The following PSME3IP1 variants were observed in gnomAD, a reference collection of about 807,000 sequenced individuals.
PSME3IP1 encodes PSME3-interacting protein.
PSME3IP1 carries 13 observed loss-of-function variants against 34.1 expected under a neutral mutation model. The ratio of observed to expected loss-of-function variants is 0.38; its 90% CI spans 0.25 to 0.61. The LOEUF is 0.61. Among genes scored for constraint, PSME3IP1 ranks in the 20% least tolerant of loss-of-function variants. The pLI is 0.60. For synonymous variants in PSME3IP1, 93 were observed against 114.3 expected, an observed-to-expected ratio of 0.81 and a Z score of 1.19; for missense variants, 237 against 301.4, an observed-to-expected ratio of 0.79 and a Z score of 1.58.
chr16:57,167,245 G>C lies in PSME3IP1; in HGVS notation c.349-19C>G, dbSNP rs753624144. On this transcript the variant is annotated intron_variant, in intron 4 of 6. Transcript: ENST00000309137. ...GGTTATTGTGAGTTACCAGTTAAGG[G>C]TCAAACTAAGCAAAAGGGAAGACAA... 2 of 1,614,104 alleles carry C rather than the reference G, an allele frequency of 1.2e-6. No homozygotes were observed. Among genetic ancestry groups the C allele is most frequent in the East Asian group, 4.5e-5 (2 of 44,880 alleles).
intron 4 of PSME3IP1, among the ~76,000 whole-genome samples, chr16:57,167,743 C>G (rs2072065589): frequency 6.6e-6 from 1 of 152,094 alleles, no homozygotes; most frequent in South Asian, 2.1e-4. Context: ...ATGTCAAGTC[C>G]CTCCCTGCCC....
intron 1 of PSME3IP1, chr16:57,178,601 T>C: frequency 3.0e-6 from 3 of 985,318 alleles, no homozygotes; most frequent in Non-Finnish European, 3.6e-6. Context: ...TAGAGATTGG[T>C]AGCCATCAAG....
At chr16:57,157,364 T>G (rs1358778628) in intron 6 of PSME3IP1, among the ~76,000 whole-genome samples, 1 of 149,358 alleles carries the variant, frequency 6.7e-6, no homozygotes, top group African/African-American at 2.5e-5. Flanking sequence ...AGCATCTCTG[T>G]GTGTACTGTT....
chr16:57,159,254 AAG>A (rs1303174327), intron 6 of PSME3IP1, among the ~76,000 whole-genome samples: 2 of 152,226 alleles, frequency 1.3e-5, no homozygotes, highest in Non-Finnish European at 2.9e-5. Context: ...CAAGAAAGAA[AAG>A]AGATTGCAAA....
At chr16:57,178,318 A>C (rs1471526428) in intron 1 of PSME3IP1, among the ~76,000 whole-genome samples, 2 of 152,082 alleles carry the variant, frequency 1.3e-5, no homozygotes, top group Admixed American at 6.6e-5. Context: ...GCTTTCCAAG[A>C]CCTCCTAGAG....
rs1433530765 is a variant in PSME3IP1, at chr16:57,177,809, G to A, written c.-15-3940C>T. Among the ~76,000 whole-genome samples, 3 of 152,190 alleles carry A rather than the reference G, an allele frequency of 2.0e-5. No homozygotes were observed. In the East Asian group the frequency reaches 5.8e-4, roughly 29 times the overall value. On this transcript the variant is annotated intron_variant, in intron 1 of 6. Transcript: ENST00000309137. The stretch of plus-strand genomic sequence containing the variant: ...GGAGGACCAGCCTGGGCAACAAAGT[G>A]AGACCCCCCATCTCTACAAAAAATT...
At chr16:57,182,407 A>G (rs1377387612) in intron 1 of PSME3IP1, among the ~76,000 whole-genome samples, 1 of 82,910 alleles carries the variant, frequency 1.2e-5, no homozygotes, top group Non-Finnish European at 2.3e-5. Flanking sequence ...CCCACCCTAT[A>G]TAACTCCACT....
At position 57,153,187 on chromosome 16, in the gene PSME3IP1, C is replaced by A. The variant is rs2145319201; in HGVS notation, c.*1103G>T. ...CTCCTCCAGAATCCAAGGGATGAGCCCGTTTCCCTTTATGAGACGAGGTGG... is the reference window on the plus strand; with the variant it reads ...CTCCTCCAGAATCCAAGGGATGAGCACGTTTCCCTTTATGAGACGAGGTGG... On this transcript the variant is annotated 3_prime_UTR_variant, in exon 7 of 7. Coordinates refer to ENST00000309137, the MANE Select transcript of PSME3IP1 (RefSeq NM_024946.4). 1.3e-5 allele frequency: 2 copies of A among 152,554 alleles called. 1 individual carries two copies. The highest frequency in any genetic ancestry group is 6.8e-3 in the Middle Eastern group (2 of 294). The allele number at this position is 152,554 out of a possible 1,614,324, so 9.5% of individuals were successfully genotyped here.
intron 1 of PSME3IP1, chr16:57,174,736 T>C: frequency 6.2e-6 from 6 of 963,918 alleles, no homozygotes; most frequent in Non-Finnish European, 7.4e-6. Flanking sequence ...AAAGTGAGAC[T>C]GGAAGAACAG....
At chr16:57,181,557 G>A (rs2073718092) in intron 1 of PSME3IP1, 1 of 152,160 alleles carries the variant, frequency 6.6e-6, no homozygotes, top group Admixed American at 6.5e-5. Context: ...TACCTACCTG[G>A]ATGGAGACCG....
intron 6 of PSME3IP1, among the ~76,000 whole-genome samples, chr16:57,157,695 C>G (rs1328090651): frequency 2.0e-5 from 3 of 151,874 alleles, no homozygotes; most frequent in Non-Finnish European, 4.4e-5. Flanking sequence ...ATGTTCCCGC[C>G]TCAGCCTCCC....
Position 57,153,675 on chromosome 16 carries a change from G to A in PSME3IP1, c.*615C>T, listed in dbSNP as rs939038195. 2.0e-5 allele frequency: 3 copies of A among 152,282 alleles called. No homozygotes were observed. The highest frequency in any genetic ancestry group is 7.2e-5 in the African/African-American group (3 of 41,418). 9.4% of individuals were successfully genotyped at this position (152,282 alleles called of 1,614,324 possible). On this transcript the variant is annotated 3_prime_UTR_variant, in exon 7 of 7. Transcript: ENST00000309137. ...GTTGGAGAGAGAGGAGAGAGGGAAT[G>A]GCCAAGGGTATGGAAAGCTTTCACA...
intron 6 of PSME3IP1, among the ~76,000 whole-genome samples, chr16:57,163,664 C>A (rs1361607114): frequency 6.6e-6 from 1 of 152,186 alleles, no homozygotes; most frequent in Non-Finnish European, 1.5e-5. Context: ...CAGGTGAAAT[C>A]AAGAAACCTG....
rs1197050244 is a variant in PSME3IP1 at position 57,153,051 on chromosome 16, G to C, written c.*1239C>G. ...AAAAACAATTGATGTAGGAATAAGGGGAATGGATAAAGAATGGTACATGCT... is the reference window on the plus strand; with the variant it reads ...AAAAACAATTGATGTAGGAATAAGGCGAATGGATAAAGAATGGTACATGCT... On this transcript the variant is annotated 3_prime_UTR_variant, in exon 7 of 7. Coordinates refer to ENST00000309137, the MANE Select transcript of PSME3IP1 (RefSeq NM_024946.4). 4 of 152,668 alleles carry C rather than the reference G, an allele frequency of 2.6e-5. No individual in the cohort carries two copies. The allele number at this position is 152,668 out of a possible 1,614,324, so 9.5% of individuals were successfully genotyped here.
At chr16:57,155,814 A>C (rs559130664) in intron 6 of PSME3IP1, among the ~76,000 whole-genome samples, 38 of 152,208 alleles carry the variant, frequency 2.5e-4, no homozygotes, top group African/African-American at 4.8e-4. Context: ...TCAAAAAAAA[A>C]CAAAAAAACT....
At chr16:57,184,423 C>A (rs2073984501) in intron 1 of PSME3IP1, among the ~76,000 whole-genome samples, 1 of 152,140 alleles carries the variant, frequency 6.6e-6, no homozygotes, top group African/African-American at 2.4e-5. Context: ...GAAAACCAAA[C>A]ACAAAACAAT....
intron 6 of PSME3IP1, among the ~76,000 whole-genome samples, chr16:57,160,642 TA>T (rs2071120883): frequency 6.6e-6 from 1 of 152,140 alleles, no homozygotes; most frequent in South Asian, 2.1e-4. Flanking sequence ...GTTCATCAAT[TA>T]AAAAGTAGGA....
intron 6 of PSME3IP1, among the ~76,000 whole-genome samples, chr16:57,157,227 C>A (rs1192107844): frequency 6.7e-6 from 1 of 150,252 alleles, no homozygotes; most frequent in Non-Finnish European, 1.5e-5. Flanking sequence ...GTAGGAGGAC[C>A]ACTTGAACTG....
At chr16:57,182,017 T>G (rs1005725068) in intron 1 of PSME3IP1, among the ~76,000 whole-genome samples, 3 of 152,100 alleles carry the variant, frequency 2.0e-5, no homozygotes, top group Non-Finnish European at 4.4e-5. Flanking sequence ...TGCCTTCTCC[T>G]CTCCCCAGAG....
Sources: allele counts gnomAD v4.1 joint callset (sites outside exome capture counted in the v4.1 genomes callset), GRCh38; gene constraint gnomAD v4.1.1; transcripts MANE v1.5; gene names NCBI Gene and HGNC (gene_info 2026-07-23, HGNC 2026-07-21).